NAV2: variants seen among roughly 807,000 people sequenced by gnomAD.
NAV2 encodes the protein neuron navigator 2, also known as helicase, APC down-regulated 1.
NAV2 carries 54 observed loss-of-function variants against 223.2 expected under a neutral mutation model. The observed-to-expected ratio is 0.24, with a 90% CI of 0.19 to 0.30. The LOEUF is 0.30. NAV2 is among the 10% of genes least tolerant of loss of function. The pLI is 1.00. For synonymous variants in NAV2, 1,279 were observed against 1,239.3 expected (o/e 1.03, Z -0.67); for missense variants, 2,806 against 3,147.5 (o/e 0.89, Z 2.60).
At chr11:19,811,177 C>A (rs535750065) in intron 1 of NAV2, among the ~76,000 whole-genome samples, 1 of 152,234 alleles carries the variant, frequency 6.6e-6, no homozygotes, top group East Asian at 1.9e-4. Context: ...TGAATCAGGT[C>A]CGGCTGACAT....
intron 11 of NAV2, among the ~76,000 whole-genome samples, chr11:20,024,960 C>T (rs1796529531): frequency 1.3e-5 from 2 of 152,210 alleles, no homozygotes; most frequent in African/African-American, 4.8e-5. Flanking sequence ...ATTAAAGTGT[C>T]CTGTGTATTT....
intron 1 of NAV2, among the ~76,000 whole-genome samples, chr11:19,546,450 T>G (rs1367459313): frequency 6.6e-6 from 1 of 152,190 alleles, no homozygotes; most frequent in Non-Finnish European, 1.5e-5. Context: ...GGAAACAGCC[T>G]GGCAGCTGGG....
At chr11:20,034,566 G>A (rs1380237720) in intron 11 of NAV2, among the ~76,000 whole-genome samples, 3 of 152,110 alleles carry the variant, frequency 2.0e-5, no homozygotes, top group Non-Finnish European at 4.4e-5. Context: ...ACTTTTAGTA[G>A]AGATGGGGTT....
chr11:19,976,685 C>T (rs898306107), intron 10 of NAV2, among the ~76,000 whole-genome samples: 5 of 152,234 alleles, frequency 3.3e-5, no homozygotes, highest in African/African-American at 7.2e-5. Flanking sequence ...GCCTTGACTT[C>T]CTGCTGTACC....
At chr11:19,532,839 G>C (rs1370785912) in intron 1 of NAV2, among the ~76,000 whole-genome samples, 1 of 152,168 alleles carries the variant, frequency 6.6e-6, no homozygotes, top group Non-Finnish European at 1.5e-5. Context: ...TTTGTCTCTG[G>C]GGACCCTCTA....
chr11:19,559,702 A>G (rs1437324743), intron 1 of NAV2, among the ~76,000 whole-genome samples: 1 of 152,174 alleles, frequency 6.6e-6, no homozygotes, highest in African/African-American at 2.4e-5. Context: ...GTGAATGTTA[A>G]TGACAAGCCA....
chr11:19,465,289 G>T (rs1465968471), intron 1 of NAV2, among the ~76,000 whole-genome samples: 1 of 152,194 alleles, frequency 6.6e-6, no homozygotes. Context: ...TGCTAGAGGA[G>T]AGGACTACCC....
chr11:19,878,833 C>T (rs1213935506), intron 4 of NAV2, among the ~76,000 whole-genome samples: 1 of 152,220 alleles, frequency 6.6e-6, no homozygotes, highest in Non-Finnish European at 1.5e-5. Context: ...CCTTCACTAG[C>T]AGCCTCTTTC....
At chr11:19,911,255 G>A (rs2043288886) in intron 6 of NAV2, among the ~76,000 whole-genome samples, 1 of 152,124 alleles carries the variant, frequency 6.6e-6, no homozygotes, top group Non-Finnish European at 1.5e-5. Context: ...TTTATGTCTG[G>A]AAGGAGCATC....
chr11:20,044,269 A>G lies in NAV2; in HGVS notation c.3196A>G (p.Thr1066Ala). 1.9e-6 allele frequency: 3 copies of G among 1,606,530 alleles called. No homozygotes were observed. Among genetic ancestry groups the G allele is most frequent in the Non-Finnish European group, 2.6e-6 (3 of 1,174,090 alleles). ...GGCAGGCGCACTGAAGACCCCAGGAACTGGTAAGAGGCCGGGGCTGTCTTG... is the reference window on the plus strand; with the variant it reads ...GGCAGGCGCACTGAAGACCCCAGGAGCTGGTAAGAGGCCGGGGCTGTCTTG... Reference protein sequence around the residue: ...APAGALKTPGTGKTDDAKVSE... With the variant: ...APAGALKTPGAGKTDDAKVSE... The change falls in exon 13 of 38, where the codon ACT becomes GCT. Residue 1066 changes from threonine (T) to alanine (A), a missense_variant. Transcript: ENST00000349880.
chr11:19,956,649 G>A (rs1383699353), intron 10 of NAV2, among the ~76,000 whole-genome samples: 1 of 152,172 alleles, frequency 6.6e-6, no homozygotes, highest in Non-Finnish European at 1.5e-5. Flanking sequence ...TGTGGGGGCG[G>A]TGCAGAGCTT....
intron 1 of NAV2, among the ~76,000 whole-genome samples, chr11:19,397,217 A>G (rs141921191): frequency 8.5e-5 from 13 of 152,316 alleles, no homozygotes; most frequent in African/African-American, 2.6e-4. Context: ...GGATTAAACT[A>G]GGGCTATGGG....
intron 1 of NAV2, among the ~76,000 whole-genome samples, chr11:19,473,505 ACTTTC>A (rs2042027349): frequency 6.6e-6 from 1 of 152,180 alleles, no homozygotes; most frequent in African/African-American, 2.4e-5. Flanking sequence ...ACTGAAGTTC[ACTTTC>A]CTTTCCTGCA....
Position 20,107,701 on chromosome 11 carries a change from C to T in NAV2, c.6879C>T (p.Asp2293=), listed in dbSNP as rs368500913. 2.0e-4 allele frequency: 323 copies of T among 1,614,002 alleles called. No individual in the cohort carries two copies. Among genetic ancestry groups the T allele is most frequent in the Non-Finnish European group, 2.3e-4 (277 of 1,180,018 alleles). Reference sequence around the variant, plus strand: ...TCCTGTCATGCCCCATCGATGTGGACGGCTCGAGAGTGTGGTTCACCGACT... The same window carrying T: ...TCCTGTCATGCCCCATCGATGTGGATGGCTCGAGAGTGTGGTTCACCGACT... ...RLFLSCPIDV[D]GSRVWFTDLW... is the part of the protein sequence containing the mutation. Residue 2293 remains aspartate, a synonymous_variant, in exon 36 of 38, where the codon GAC becomes GAT. Coordinates refer to ENST00000349880, the MANE Select transcript of NAV2 (RefSeq NM_145117.5).
intron 10 of NAV2, among the ~76,000 whole-genome samples, chr11:19,973,227 C>T (rs2049403963): frequency 6.6e-6 from 1 of 152,104 alleles, no homozygotes; most frequent in Admixed American, 6.6e-5. Context: ...CTACATGAAC[C>T]CAGAAGGGAA....
rs143575244 is a variant in NAV2 at position 20,088,372 on chromosome 11, A to G, written c.5499-2493A>G. 8.3e-3 allele frequency among the ~76,000 whole-genome samples: 1,259 copies of G among 152,314 alleles called. 18 individuals are homozygous for G. Among genetic ancestry groups the G allele is most frequent in the African/African-American group, 0.029 (1,193 of 41,584 alleles). On this transcript the variant is annotated intron_variant, in intron 26 of 37. Coordinates refer to ENST00000349880, the MANE Select transcript of NAV2 (RefSeq NM_145117.5). Reference sequence around the variant, plus strand: ...CAGCTAATTTGTGTATTTTTAGTAGAGACGGGGTTTCGCCGTGTTGGCCAG... The same window carrying G: ...CAGCTAATTTGTGTATTTTTAGTAGGGACGGGGTTTCGCCGTGTTGGCCAG...
chr11:20,072,202 C>T (rs2059447220), intron 22 of NAV2, among the ~76,000 whole-genome samples: 1 of 151,924 alleles, frequency 6.6e-6, no homozygotes, highest in Non-Finnish European at 1.5e-5. Context: ...GGAATCCTTT[C>T]CCCATTGCTT....
At chr11:19,917,971 C>T (rs958313079) in intron 6 of NAV2, among the ~76,000 whole-genome samples, 1 of 152,208 alleles carries the variant, frequency 6.6e-6, no homozygotes, top group Non-Finnish European at 1.5e-5. Context: ...GCTATAGCTT[C>T]CCCATTGGAC....
At chr11:20,006,395 G>A (rs959696705) in intron 11 of NAV2, among the ~76,000 whole-genome samples, 1 of 151,670 alleles carries the variant, frequency 6.6e-6, no homozygotes, top group Admixed American at 6.6e-5. Context: ...TAAAAATTGT[G>A]GCCGAATGCA....
Sources: allele counts gnomAD v4.1 joint callset (sites outside exome capture counted in the v4.1 genomes callset), GRCh38; gene constraint gnomAD v4.1.1; transcripts MANE v1.5; gene names NCBI Gene and HGNC (gene_info 2026-07-23, HGNC 2026-07-21).